Variants in MYT1L observed in about 807,000 individuals in gnomAD.
The protein encoded by MYT1L is myelin transcription factor 1-like protein.
MYT1L carries 12 observed loss-of-function variants against 126.7 expected under a neutral mutation model. The observed-to-expected ratio is 0.09, with a 90% confidence interval of 0.06 to 0.15. The LOEUF is 0.15. Among genes scored for constraint, MYT1L ranks in the 10% least tolerant of loss-of-function variants. The pLI is 1.00. For synonymous variants in MYT1L, 541 were observed against 604.2 expected, an observed-to-expected ratio of 0.90 and a Z score of 1.53; for missense variants, 979 against 1,585.2, an observed-to-expected ratio of 0.62 and a Z score of 6.49.
At position 1,869,225 on chromosome 2, in the gene MYT1L, G is replaced by A. The variant is rs547332316; in HGVS notation, c.2711+17314C>T. ...GTCCCGGACTTATCCTCTTTTCCAC[G>A]TGCCACTGTACCTCCACCAGAGACA... On this transcript the variant is annotated intron_variant, in intron 18 of 24. Coordinates refer to ENST00000647738, the MANE Select transcript of MYT1L (RefSeq NM_001303052.2). Among the ~76,000 whole-genome samples, 77 of 148,412 alleles carry A rather than the reference G, an allele frequency of 5.2e-4. 1 individual carries two copies. The highest frequency in any genetic ancestry group is 8.6e-4 in the Admixed American group (13 of 15,092).
intron 2 of MYT1L, among the ~76,000 whole-genome samples, chr2:2,232,181 C>T (rs576625978): frequency 6.6e-6 from 1 of 152,292 alleles, no homozygotes; most frequent in South Asian, 2.1e-4. Flanking sequence ...GTGCAGATGG[C>T]TGAGTGCATA....
intron 8 of MYT1L, among the ~76,000 whole-genome samples, chr2:1,965,977 C>A (rs190648028): frequency 2.0e-5 from 3 of 152,258 alleles, no homozygotes; most frequent in Non-Finnish European, 4.4e-5. Context: ...TGCTTCACGA[C>A]GCCCTAGGGC....
rs1197739157 is a variant in MYT1L, at chr2:1,917,511, T to C, written c.1484-172A>G. 6.6e-6 allele frequency among the ~76,000 whole-genome samples: 1 copy of C among 152,210 alleles called. No homozygotes were observed. Among genetic ancestry groups the C allele is most frequent in the Non-Finnish European group, 1.5e-5 (1 of 68,044 alleles). ...AGTTCTTTGGTTTTGGGTGACTTTT[T>C]TCAACCTTACACAGTATAATCATGA... On this transcript the variant is annotated intron_variant, in intron 10 of 24. Transcript: ENST00000647738. This position sits in a 1 kb window ranked among gnomAD's most constrained non-coding sequence, Gnocchi z 5.9.
intron 3 of MYT1L, among the ~76,000 whole-genome samples, chr2:2,119,632 C>T (rs2080708686): frequency 6.6e-6 from 1 of 152,198 alleles, no homozygotes; most frequent in Admixed American, 6.5e-5. Flanking sequence ...GAGTGCAGCT[C>T]AGCCCAGGTT....
chr2:2,292,614 A>G (rs1232902487), intron 1 of MYT1L, among the ~76,000 whole-genome samples: 1 of 152,146 alleles, frequency 6.6e-6, no homozygotes, highest in Non-Finnish European at 1.5e-5. Context: ...ACAGGTGCAC[A>G]GACATAGCCG....
At chr2:1,954,398 C>T (rs547196793) in intron 8 of MYT1L, among the ~76,000 whole-genome samples, 4 of 152,304 alleles carry the variant, frequency 2.6e-5, no homozygotes, top group South Asian at 2.1e-4. Flanking sequence ...AAACACCACA[C>T]GTGCAGTCAG....
rs927368379 is a variant in MYT1L at position 1,811,202 on chromosome 2, G to A, written c.3081-2035C>T. The stretch of plus-strand genomic sequence containing the variant: ...AATTTCTGGTTTCTATGCTGCCCAA[G>A]GTATGGTATTTGTTTTTGCAGCCCT... On this transcript the variant is annotated intron_variant, in intron 21 of 24. Coordinates refer to ENST00000647738, the MANE Select transcript of MYT1L (RefSeq NM_001303052.2). This position sits in a 1 kb window ranked among gnomAD's most constrained non-coding sequence, Gnocchi z 4.4. 6 of 152,148 alleles carry A rather than the reference G, an allele frequency of 3.9e-5. No individual in the cohort carries two copies. The highest frequency in any genetic ancestry group is 3.9e-4 in the Admixed American group (6 of 15,256). 9.4% of individuals were successfully genotyped at this position (152,148 alleles called of 1,614,324 possible).
chr2:1,979,143 G>GAA lies in MYT1L; in HGVS notation c.152+20_152+21dup. ...AAGTCACTTTAGACAGCACATTGTG[G>GAA]AAAAAAAAATGCAGGCATTACCTTC... On this transcript the variant is annotated intron_variant, in intron 8 of 24. Transcript: ENST00000647738. This position sits in a 1 kb window ranked among gnomAD's most constrained non-coding sequence, Gnocchi z 4.0. 1 of 1,583,978 alleles carries GAA rather than the reference G, an allele frequency of 6.3e-7. No homozygotes were observed. The highest frequency in any genetic ancestry group is 8.6e-7 in the Non-Finnish European group (1 of 1,157,012).
At chr2:2,158,466 G>C (rs1037191979) in intron 3 of MYT1L, among the ~76,000 whole-genome samples, 1 of 152,188 alleles carries the variant, frequency 6.6e-6, no homozygotes, top group East Asian at 1.9e-4. Flanking sequence ...TGCGCACCAT[G>C]AGATCGCTCC....
intron 1 of MYT1L, among the ~76,000 whole-genome samples, chr2:2,292,204 G>T (rs1048339591): frequency 1.3e-5 from 2 of 152,206 alleles, no homozygotes; most frequent in African/African-American, 4.8e-5. Context: ...GGGCGCAGGG[G>T]CCTGCAGCTC....
Position 1,922,931 on chromosome 2 carries a change from T to G in MYT1L, c.838A>C (p.Met280Leu). The change falls in exon 10 of 25, where the codon ATG becomes CTG. Residue 280 changes from methionine (M) to leucine (L), a missense_variant. Physicochemically the swap from Met to Leu is conservative, Grantham distance 15. Around this residue, in one of 12 missense-constraint regions of MYT1L, gnomAD observed 243 missense variants for 363.9 expected, o/e 0.67. Transcript: ENST00000647738. This position sits in a 1 kb window ranked among gnomAD's most constrained non-coding sequence, Gnocchi z 7.4. Reference protein sequence around the residue: ...QGHGVVLSENMNDRNYADSMS... With the variant: ...QGHGVVLSENLNDRNYADSMS... ...CTGTCTGCATAATTTCTGTCATTCA[T>G]GTTTTCTGAGAGCACAACACCGTGT... 1 of 1,614,088 alleles carries G rather than the reference T, an allele frequency of 6.2e-7. No individual in the cohort carries two copies.
intron 1 of MYT1L, 138 bp from the exon 2 acceptor site, chr2:2,284,641 C>A (rs777770349): frequency 6.6e-6 from 1 of 152,238 alleles, no homozygotes; most frequent in Non-Finnish European, 1.5e-5. Flanking sequence ...CACAGCCACA[C>A]TTGCTGAAAT....
intron 3 of MYT1L, among the ~76,000 whole-genome samples, chr2:2,065,197 C>T (rs2071067501): frequency 6.6e-6 from 1 of 151,538 alleles, no homozygotes; most frequent in East Asian, 1.9e-4. Context: ...GATCCTGTTT[C>T]AAAAAAAGAA....
chr2:1,994,435 C>T (rs2061675855), intron 5 of MYT1L, among the ~76,000 whole-genome samples: 1 of 152,156 alleles, frequency 6.6e-6, no homozygotes, highest in Non-Finnish European at 1.5e-5. Flanking sequence ...GCCCTGCCCC[C>T]TCCTCCCAGC....
chr2:2,244,683 G>A (rs1482604159), intron 2 of MYT1L, among the ~76,000 whole-genome samples: 1 of 152,182 alleles, frequency 6.6e-6, no homozygotes, highest in Non-Finnish European at 1.5e-5. Flanking sequence ...GGGCAGGTGT[G>A]GAGAAGAGGG....
At chr2:1,946,284 G>A (rs1325756311) in intron 8 of MYT1L, among the ~76,000 whole-genome samples, 1 of 152,102 alleles carries the variant, frequency 6.6e-6, no homozygotes, top group Non-Finnish European at 1.5e-5. Context: ...ATTATGGTGA[G>A]TTGTAAACTT....
intron 23 of MYT1L, among the ~76,000 whole-genome samples, chr2:1,798,441 G>A (rs1347223492): frequency 1.3e-5 from 2 of 152,080 alleles, no homozygotes; most frequent in Non-Finnish European, 2.9e-5. Flanking sequence ...TCTTTCCTCC[G>A]CTCCCATTCC....
intron 3 of MYT1L, among the ~76,000 whole-genome samples, chr2:2,150,091 G>A (rs1240427444): frequency 6.6e-6 from 1 of 152,106 alleles, no homozygotes; most frequent in East Asian, 1.9e-4. Context: ...ACACCGGTGG[G>A]ACAGGTTGTC....
chr2:2,317,904 CA>C (rs957704094), intron 1 of MYT1L, among the ~76,000 whole-genome samples: 1 of 152,042 alleles, frequency 6.6e-6, no homozygotes, highest in Non-Finnish European at 1.5e-5. Context: ...TAATGCAAGC[CA>C]AAAAATTGGA....
Sources: allele counts gnomAD v4.1 joint callset (sites outside exome capture counted in the v4.1 genomes callset), GRCh38; gene constraint gnomAD v4.1.1; regional missense constraint gnomAD v4.1.1; non-coding constraint Gnocchi (gnomAD v3.1); transcripts MANE v1.5; gene names NCBI Gene and HGNC (gene_info 2026-07-23, HGNC 2026-07-21).